The following WNK2 variants were observed in gnomAD, a reference collection of about 807,000 sequenced individuals.
WNK2 encodes WNK lysine deficient protein kinase 2.
In WNK2, 67 loss-of-function variants were observed where a neutral mutation model predicts 192.1. The observed-to-expected ratio is 0.35, with a 90% CI of 0.29 to 0.43. The LOEUF is 0.43. Among genes scored for constraint, WNK2 ranks in the 20% least tolerant of loss-of-function variants. WNK2 has a pLI of 1.00. For synonymous variants in WNK2, 1,439 were observed against 1,393.9 expected (o/e 1.03, Z -0.72); for missense variants, 2,698 against 3,089.7 (o/e 0.87, Z 3.01).
At chr9:93,192,531 G>A (rs1830520714) in intron 2 of WNK2, among the ~76,000 whole-genome samples, 2 of 151,922 alleles carry the variant, frequency 1.3e-5, no homozygotes, top group Admixed American at 1.3e-4. Context: ...TCCTGAGTTG[G>A]GAGCCTGGGT....
At chr9:93,268,181 CA>C in intron 18 of WNK2, 116 bp downstream of exon 18, 1 of 1,417,494 alleles carries the variant, frequency 7.1e-7, no homozygotes, top group South Asian at 1.3e-5. Context: ...ATGTGGTGAC[CA>C]GGGGCCCCAG....
At chr9:93,238,367 A>G in intron 6 of WNK2, 46 bp downstream of exon 6, 1 of 1,544,172 alleles carries the variant, frequency 6.5e-7, no homozygotes, top group Non-Finnish European at 8.9e-7. Flanking sequence ...TCTCCAGCTG[A>G]ACTCATTCCA....
intron 19 of WNK2, among the ~76,000 whole-genome samples, chr9:93,270,394 G>C (rs1048090214): frequency 1.3e-5 from 2 of 152,250 alleles, no homozygotes; most frequent in East Asian, 3.8e-4. Context: ...GGGTAAGGTA[G>C]AGAAAGCACA....
intron 2 of WNK2, among the ~76,000 whole-genome samples, chr9:93,214,301 ATT>A (rs1466104507): frequency 6.6e-6 from 1 of 150,846 alleles, no homozygotes. Flanking sequence ...ATTTTTATAT[ATT>A]TATTTATTTA....
At chr9:93,242,218 G>T (rs1840890812) in intron 7 of WNK2, among the ~76,000 whole-genome samples, 1 of 152,206 alleles carries the variant, frequency 6.6e-6, no homozygotes, top group African/African-American at 2.4e-5. Context: ...TCTCTGTGGG[G>T]CTCCTGCAAG....
chr9:93,299,424 G>T (rs72743442), intron 25 of WNK2, among the ~76,000 whole-genome samples, 163 bp downstream of exon 25: 10,847 of 152,194 alleles, frequency 0.071, 511 homozygotes, highest in African/African-American at 0.13. Context: ...GTAGTCTTTG[G>T]ATGAAAGGAA....
Position 93,308,356 on chromosome 9 carries a change from C to T in WNK2, c.6288C>T (p.Gly2096=). The part of the protein sequence containing the change: ...SRSSTSSLAP[G]PEPGPQPALH... Reference sequence around the variant, plus strand: ...CCTCCACCAGCAGCCTGGCCCCAGGCCCTGAGCCAGGCCCCCAGCCCGCCC... The same window carrying T: ...CCTCCACCAGCAGCCTGGCCCCAGGTCCTGAGCCAGGCCCCCAGCCCGCCC... Residue 2096 remains glycine (G), a synonymous_variant, in exon 28 of 30, where the codon GGC becomes GGT. Transcript: ENST00000427277. 2 of 1,556,334 alleles carry T rather than the reference C, an allele frequency of 1.3e-6. No individual in the cohort carries two copies. Among genetic ancestry groups the T allele is most frequent in the African/African-American group, 1.4e-5 (1 of 73,460 alleles).
chr9:93,184,856 G>C, intron 1 of WNK2, 72 bp from the exon 2 acceptor site: 1 of 1,185,884 alleles, frequency 8.4e-7, no homozygotes, highest in East Asian at 3.4e-5. Context: ...GGGCGGCGTT[G>C]TCTCATCCGG....
At chr9:93,193,204 CA>C (rs1024624710) in intron 2 of WNK2, among the ~76,000 whole-genome samples, 3 of 152,156 alleles carry the variant, frequency 2.0e-5, no homozygotes, top group African/African-American at 7.2e-5. Flanking sequence ...TGCCCTGGTG[CA>C]TACAAAATAC....
intron 10 of WNK2, chr9:93,256,671 T>G: frequency 3.0e-6 from 2 of 669,142 alleles, no homozygotes; most frequent in Middle Eastern, 8.5e-4. Flanking sequence ...GCGTGCATAG[T>G]GTTCGCAGTG....
rs767612113 is a variant in WNK2, at chr9:93,231,089, A to G, written c.1056A>G (p.Ser352=). ...DLGLATLKRA[S]FAKSVIGTPE... ...GCCTGGCCACTCTGAAAAGAGCGTC[A>G]TTTGCCAAAAGTGTGATAGGTAAAC... is the stretch of plus-strand genomic sequence containing the variant. The change falls in exon 4 of 30, where the codon TCA becomes TCG. Residue 352 remains serine, a synonymous_variant. Transcript: ENST00000427277. The G allele has an allele frequency of 3.1e-6, 5 of 1,613,902 alleles. No individual in the cohort carries two copies. Among genetic ancestry groups the G allele is most frequent in the African/African-American group, 1.3e-5 (1 of 75,016 alleles).
At chr9:93,307,976 G>T in intron 27 of WNK2, 1 of 315,622 alleles carries the variant, frequency 3.2e-6, no homozygotes, top group Non-Finnish European at 5.9e-6. Flanking sequence ...AGCCCAGTGT[G>T]TCTGGCTGTG....
intron 5 of WNK2, among the ~76,000 whole-genome samples, chr9:93,236,548 A>T (rs1300892169): frequency 6.6e-6 from 1 of 152,204 alleles, no homozygotes; most frequent in African/African-American, 2.4e-5. Context: ...TTGCTCATAC[A>T]CCGTCTTACT....
chr9:93,254,932 G>A (rs771205381), intron 9 of WNK2, among the ~76,000 whole-genome samples: 6 of 152,224 alleles, frequency 3.9e-5, no homozygotes, highest in African/African-American at 7.2e-5. Flanking sequence ...CTCAGCCTAG[G>A]TTAGGGCTTC....
intron 4 of WNK2, among the ~76,000 whole-genome samples, chr9:93,232,803 C>T (rs1481267278): frequency 1.3e-5 from 2 of 152,062 alleles, no homozygotes; most frequent in Admixed American, 1.3e-4. Flanking sequence ...GTCAACCCAG[C>T]TTTTGCTCAG....
intron 28 of WNK2, chr9:93,308,856 C>T (rs1333012349): frequency 1.5e-6 from 2 of 1,334,102 alleles, no homozygotes; most frequent in African/African-American, 3.0e-5. Context: ...GATACAGCAG[C>T]AGCCCCAGCC....
At chr9:93,291,673 C>T (rs139408182) in intron 21 of WNK2, among the ~76,000 whole-genome samples, 3 of 152,334 alleles carry the variant, frequency 2.0e-5, no homozygotes, top group East Asian at 1.9e-4. Context: ...AGGCTCCATC[C>T]GCTGCTGCCA....
Position 93,261,910 on chromosome 9 carries a change from C to T in WNK2, c.3163C>T (p.Pro1055Ser). The change falls in exon 13 of 30, where the codon CCG (proline) becomes TCG (serine). Residue 1055 changes from proline (P) to serine (S), a missense_variant. Pro to Ser is a moderately conservative substitution (Grantham distance 74). Around this residue, in one of 7 missense-constraint regions of WNK2, gnomAD observed 893 missense variants for 909.0 expected, o/e 0.98. Coordinates refer to ENST00000427277, the MANE Select transcript of WNK2 (RefSeq NM_006648.4). Reference sequence around the variant, plus strand: ...GGCTGCGGTCCTCTCGCCGCCTCTGCCGGAAGTGCTGCTGCCTGCCGCCCC... The same window carrying T: ...GGCTGCGGTCCTCTCGCCGCCTCTGTCGGAAGTGCTGCTGCCTGCCGCCCC... ...PPAAVLSPPL[P>S]EVLLPAAPEL... is the part of the protein sequence containing the mutation. 1 of 1,607,118 alleles carries T rather than the reference C, an allele frequency of 6.2e-7. No homozygotes were observed. The highest frequency in any genetic ancestry group is 8.5e-7 in the Non-Finnish European group (1 of 1,179,744).
At chr9:93,315,490 T>C (rs1243588287) in intron 28 of WNK2, 1 of 152,222 alleles carries the variant, frequency 6.6e-6, no homozygotes, top group African/African-American at 2.4e-5. Context: ...ACTGCTATTT[T>C]CTTTGGGGAC....
Sources: gnomAD v4.1 joint callset for allele counts (sites outside exome capture counted in the v4.1 genomes callset) on GRCh38, gnomAD v4.1.1 for gene constraint, gnomAD v4.1.1 regional missense constraint, MANE v1.5 for transcripts, NCBI Gene and HGNC (gene_info 2026-07-23, HGNC 2026-07-21) for gene names.